The following ADGRG7 variants were observed in gnomAD, a reference collection of about 807,000 sequenced individuals.
ADGRG7 encodes adhesion G protein-coupled receptor G7.
ADGRG7 carries 82 observed loss-of-function variants against 88.6 expected under a neutral mutation model. That is an observed-to-expected ratio of 0.93 (90% CI 0.77 to 1.11). ADGRG7 has a LOEUF of 1.11. Among genes scored for constraint, ADGRG7 ranks in the 50% most tolerant of loss-of-function variants. The probability of loss-of-function intolerance (pLI) is 0.00; values close to 1 mark genes in which losing one functional copy is unlikely to be tolerated. For synonymous variants in ADGRG7, 381 were observed against 345.2 expected (o/e 1.10, Z -1.15); for missense variants, 945 against 953.4 (o/e 0.99, Z 0.12).
chr3:100,682,514 C>T (rs1217911033), intron 15 of ADGRG7, among the ~76,000 whole-genome samples: 1 of 152,214 alleles, frequency 6.6e-6, no homozygotes, highest in Admixed American at 6.5e-5. Flanking sequence ...TCAGGATCTG[C>T]TCCACATCAA....
intron 6 of ADGRG7, among the ~76,000 whole-genome samples, chr3:100,639,769 C>T (rs1707607224): frequency 6.6e-6 from 1 of 152,056 alleles, no homozygotes; most frequent in South Asian, 2.1e-4. Flanking sequence ...AAGATAGGAA[C>T]ATTTTCCTAA....
intron 1 of ADGRG7, among the ~76,000 whole-genome samples, chr3:100,620,062 G>A (rs1419215330): frequency 6.6e-6 from 1 of 152,134 alleles, no homozygotes; most frequent in African/African-American, 2.4e-5. Context: ...ATTTTATGAG[G>A]CCAGCCTCAT....
At chr3:100,637,281 T>C (rs1707560943) in intron 5 of ADGRG7, 21 bp from the exon 6 acceptor site, 11 of 1,479,458 alleles carry the variant, frequency 7.4e-6, no homozygotes, top group Non-Finnish European at 1.0e-5. Flanking sequence ...TCTCTGATGA[T>C]CAGTATCTTC....
Position 100,694,862 on chromosome 3 carries a change from G to A in ADGRG7, c.2255G>A (p.Arg752Gln), listed in dbSNP as rs765767252. ...GRRKSLPSVTRPRLRVKMYNF... is the reference protein window; with the variant it reads ...GRRKSLPSVTQPRLRVKMYNF... ...AGGAAGTCATTGCCTTCAGTGACGC[G>A]GCCGAGGCTGCGTGTAAAGATGTAT... The change falls in exon 16 of 16, where the codon CGG (arginine) becomes CAG (glutamine). Residue 752 changes from arginine (R) to glutamine (Q), a missense_variant. Transcript: ENST00000273352. 9.3e-6 allele frequency: 15 copies of A among 1,613,994 alleles called. No individual in the cohort carries two copies. The East Asian group carries it at 2.2e-4, about 24-fold the overall frequency.
At chr3:100,686,812 T>C (rs2094983526) in intron 15 of ADGRG7, among the ~76,000 whole-genome samples, 1 of 152,250 alleles carries the variant, frequency 6.6e-6, no homozygotes. Context: ...GGTAGCATGA[T>C]GCCTCCAGCT....
At chr3:100,630,305 T>C (rs546400766) in intron 2 of ADGRG7, among the ~76,000 whole-genome samples, 1 of 152,274 alleles carries the variant, frequency 6.6e-6, no homozygotes, top group East Asian at 1.9e-4. Flanking sequence ...CTGCTATCAT[T>C]TCCTATACTC....
At chr3:100,662,830 C>A (rs184757661) in intron 14 of ADGRG7, among the ~76,000 whole-genome samples, 1 of 151,362 alleles carries the variant, frequency 6.6e-6, no homozygotes, top group Non-Finnish European at 1.5e-5. Flanking sequence ...AAACAAAAAA[C>A]TGGAATTATG....
chr3:100,622,853 C>G (rs553215666), intron 1 of ADGRG7, among the ~76,000 whole-genome samples: 18 of 152,032 alleles, frequency 1.2e-4, no homozygotes, highest in Non-Finnish European at 1.0e-4. Context: ...CTTCTGCCTC[C>G]CAGGTTCAAG....
At chr3:100,632,410 T>C (rs943353479) in intron 3 of ADGRG7, among the ~76,000 whole-genome samples, 2 of 152,188 alleles carry the variant, frequency 1.3e-5, no homozygotes, top group Non-Finnish European at 2.9e-5. Flanking sequence ...TTACTCAATA[T>C]TATATACCAA....
At chr3:100,673,467 C>CT (rs34998185) in intron 15 of ADGRG7, among the ~76,000 whole-genome samples, 3,835 of 136,684 alleles carry the variant, frequency 0.028, 80 homozygotes, top group Non-Finnish European at 0.042. Flanking sequence ...TTTTCTTCTT[C>CT]TTTTTTTTTT....
At chr3:100,618,532 T>C (rs1006527937) in intron 1 of ADGRG7, among the ~76,000 whole-genome samples, 5 of 152,218 alleles carry the variant, frequency 3.3e-5, no homozygotes, top group South Asian at 2.1e-4. Context: ...GTTGTAGATA[T>C]GAGGCATCAT....
At chr3:100,694,610 G>A in intron 15 of ADGRG7, 134 bp from the exon 16 acceptor site, 6 of 809,462 alleles carry the variant, frequency 7.4e-6, no homozygotes, top group Non-Finnish European at 9.5e-6. Context: ...GTGCATGGCA[G>A]CTGCACACTG....
chr3:100,645,365 G>T (rs763868448), intron 8 of ADGRG7, among the ~76,000 whole-genome samples: 1 of 152,222 alleles, frequency 6.6e-6, no homozygotes, highest in African/African-American at 2.4e-5. Flanking sequence ...GCCCATGATT[G>T]TCATGACACA....
At chr3:100,613,172 G>A (rs909477157) in intron 1 of ADGRG7, among the ~76,000 whole-genome samples, 8 of 152,204 alleles carry the variant, frequency 5.3e-5, no homozygotes, top group African/African-American at 1.9e-4. Flanking sequence ...TTACAGGCGT[G>A]AGCCACCGCA....
chr3:100,666,631 C>A (rs2094952182), intron 14 of ADGRG7, among the ~76,000 whole-genome samples: 1 of 152,172 alleles, frequency 6.6e-6, no homozygotes, highest in Admixed American at 6.5e-5. Flanking sequence ...TTCCTCTTGT[C>A]TCAACTGCAA....
At chr3:100,633,723 T>C (rs1034802654) in intron 4 of ADGRG7, among the ~76,000 whole-genome samples, 3 of 152,120 alleles carry the variant, frequency 2.0e-5, no homozygotes, top group Non-Finnish European at 2.9e-5. Context: ...GGTTTCACCA[T>C]GTTGGCTAGG....
In ADGRG7 at chr3:100,672,937, T is replaced by C. The variant is rs575041656; in HGVS notation, c.2136+3832T>C. Among the ~76,000 whole-genome samples, 11 of 152,302 alleles carry C rather than the reference T, an allele frequency of 7.2e-5. No homozygotes were observed. In the East Asian group the frequency reaches 1.9e-3, roughly 27 times the overall value. Reference sequence around the variant, plus strand: ...TGATCATGATGGATAAGCTTTTTGATGTGCTGCTGGATTCAGTTTGCCAGT... The same window carrying C: ...TGATCATGATGGATAAGCTTTTTGACGTGCTGCTGGATTCAGTTTGCCAGT... On this transcript the variant is annotated intron_variant, in intron 15 of 15. Transcript: ENST00000273352.
At chr3:100,660,123 A>AT (rs1007646036) in intron 14 of ADGRG7, among the ~76,000 whole-genome samples, 1 of 152,176 alleles carries the variant, frequency 6.6e-6, no homozygotes. Context: ...AAGAAAAAAA[A>AT]TTTTCGTCCC....
chr3:100,684,330 C>G (rs963753988), intron 15 of ADGRG7, among the ~76,000 whole-genome samples: 82 of 151,950 alleles, frequency 5.4e-4, no homozygotes, highest in African/African-American at 1.9e-3. Flanking sequence ...GTGACACAAT[C>G]ACAGCTCACT....
Sources: allele counts gnomAD v4.1 joint callset (sites outside exome capture counted in the v4.1 genomes callset), GRCh38; gene constraint gnomAD v4.1.1; transcripts MANE v1.5; gene names NCBI Gene and HGNC (gene_info 2026-07-23, HGNC 2026-07-21).